BBS7: variants seen among roughly 807,000 people sequenced by gnomAD.
BBS7 encodes the protein Bardet-Biedl syndrome 7, also known as BBSome complex member BBS7.
Under a neutral mutation model 90.3 loss-of-function variants are expected in BBS7, and 50 were observed. The ratio of observed to expected loss-of-function variants is 0.55; its 90% CI spans 0.44 to 0.70. BBS7 has a LOEUF of 0.70. BBS7 is among the 30% of genes least tolerant of loss of function. The probability of loss-of-function intolerance (pLI) is 0.00; values close to 1 mark genes in which losing one functional copy is unlikely to be tolerated. For synonymous variants in BBS7, 235 were observed against 287.4 expected (o/e 0.82, Z 1.85); for missense variants, 729 against 838.9 (o/e 0.87, Z 1.62).
intron 11 of BBS7, among the ~76,000 whole-genome samples, chr4:121,845,195 CCCGT>C (rs1176903448): frequency 6.6e-6 from 1 of 151,912 alleles, no homozygotes; most frequent in East Asian, 1.9e-4. Context: ...ATGGTGAAAC[CCCGT>C]CTCTACTAAA....
chr4:121,854,268 G>C (rs186724348), intron 7 of BBS7, among the ~76,000 whole-genome samples: 2 of 152,026 alleles, frequency 1.3e-5, no homozygotes, highest in African/African-American at 4.8e-5. Flanking sequence ...ATATACATAG[G>C]CATCTCACTA....
chr4:121,857,869 C>G (rs1404321536), intron 5 of BBS7, among the ~76,000 whole-genome samples: 1 of 136,812 alleles, frequency 7.3e-6, no homozygotes, highest in Non-Finnish European at 1.5e-5. Context: ...TGCAGTGATG[C>G]AATTTCAGCT....
chr4:121,848,937 G>C lies in BBS7; in HGVS notation c.850-9C>G, dbSNP rs367556710. 6.2e-7 allele frequency: 1 copy of C among 1,611,616 alleles called. No individual in the cohort carries two copies. Among genetic ancestry groups the C allele is most frequent in the African/African-American group, 1.3e-5 (1 of 74,986 alleles). ...ACGCTTTCAGACAACATCTAAAAAA[G>C]TTTAAGACCAAGCACTTCATTAGTA... On this transcript the variant is annotated splice_polypyrimidine_tract_variant and intron_variant, in intron 8 of 18. Transcript: ENST00000264499.
intron 12 of BBS7, among the ~76,000 whole-genome samples, chr4:121,843,398 G>A (rs7686200): frequency 0.27 from 41,079 of 151,942 alleles, 6,176 homozygotes; most frequent in Non-Finnish European, 0.32. Context: ...ATAAGGGCCT[G>A]GACTAAGTTA....
At position 121,828,261 on chromosome 4, in the gene BBS7, C is replaced by A. The variant is rs774997736; in HGVS notation, c.1899G>T (p.Gln633His). The A allele has an allele frequency of 6.2e-7, 1 of 1,613,044 alleles. No homozygotes were observed. Among genetic ancestry groups the A allele is most frequent in the South Asian group, 1.1e-5 (1 of 91,058 alleles). Reference sequence around the variant, plus strand: ...GAAAGTTCGTATTTCCCTCATGAATCTGTAATTCCTATTTAAAATGAAAAA... The same window carrying A: ...GAAAGTTCGTATTTCCCTCATGAATATGTAATTCCTATTTAAAATGAAAAA... ...VQLIDALKELQIHEGNTNFLI... is the reference protein window; with the variant it reads ...VQLIDALKELHIHEGNTNFLI... Residue 633 changes from glutamine (Q) to histidine (H), a missense_variant, in exon 18 of 19, where the codon CAG (glutamine) becomes CAT (histidine). Transcript: ENST00000264499.
intron 7 of BBS7, among the ~76,000 whole-genome samples, chr4:121,854,385 C>T (rs6846441): frequency 0.016 from 2,370 of 152,122 alleles, 50 homozygotes; most frequent in African/African-American, 0.054. Flanking sequence ...ACAAAGACTC[C>T]CAGATTCCAA....
rs531107981 is a variant in BBS7 at position 121,869,731 on chromosome 4, G to T, written c.36+547C>A. Among the ~76,000 whole-genome samples, 112 of 152,208 alleles carry T rather than the reference G, an allele frequency of 7.4e-4. 2 individuals are homozygous for T. The highest frequency in any genetic ancestry group is 3.9e-3 in the South Asian group (19 of 4,822). On this transcript the variant is annotated intron_variant, in intron 1 of 18. Transcript: ENST00000264499. ...TTTTTGTACTTTTTGTAGAGAAGAG[G>T]TTTAACCATGTAGGCTAGGCTGGTC...
chr4:121,853,030 C>T lies in BBS7; in HGVS notation c.775G>A (p.Val259Ile), dbSNP rs1395330140. ...IVGDGVKDLL[V>I]GRDDGMVEVY... ...TCCACCATTCCGTCATCTCTCCCAA[C>T]AAGTAAATCTTTAACCCCATCACCC... Residue 259 changes from valine (V) to isoleucine (I), a missense_variant, in exon 8 of 19, where the codon GTT becomes ATT. Transcript: ENST00000264499. 6.2e-7 allele frequency: 1 copy of T among 1,613,838 alleles called. No individual in the cohort carries two copies. The highest frequency in any genetic ancestry group is 8.5e-7 in the Non-Finnish European group (1 of 1,179,802).
chr4:121,844,889 C>T (rs1042752147), intron 11 of BBS7, among the ~76,000 whole-genome samples: 1 of 152,130 alleles, frequency 6.6e-6, no homozygotes, highest in South Asian at 2.1e-4. Flanking sequence ...TAAGTCACAT[C>T]TCTGTTAAGA....
At chr4:121,840,180 A>C (rs986302371) in intron 12 of BBS7, among the ~76,000 whole-genome samples, 3 of 152,154 alleles carry the variant, frequency 2.0e-5, no homozygotes, top group Non-Finnish European at 2.9e-5. Flanking sequence ...TACTGCTCTC[A>C]TGGTAGTGAA....
chr4:121,860,561 A>G (rs937239607), intron 4 of BBS7, among the ~76,000 whole-genome samples: 1 of 152,172 alleles, frequency 6.6e-6, no homozygotes, highest in Non-Finnish European at 1.5e-5. Context: ...TACTATCCAT[A>G]TAACTGTCCG....
At chr4:121,834,071 AAAAGCACACCCT>A (rs1725327751) in intron 14 of BBS7, among the ~76,000 whole-genome samples, 1 of 152,186 alleles carries the variant, frequency 6.6e-6, no homozygotes, top group Admixed American at 6.6e-5. Context: ...TCTATCTTGC[AAAAGCACACCCT>A]AAAGTAACAT....
At position 121,867,989 on chromosome 4, in the gene BBS7, T is replaced by C. The variant is rs749914647; in HGVS notation, c.94A>G (p.Thr32Ala). ...CAGAATCTATACAGTACCTTTTGTG[T>C]AGCTCTGTGTCTTGAGGCAGGAATT... Reference protein sequence around the residue: ...KLIPASRHRATQKVVIGDHDG... With the variant: ...KLIPASRHRAAQKVVIGDHDG... Residue 32 changes from threonine (T) to alanine (A), a missense_variant, in exon 2 of 19, where the codon ACA (threonine) becomes GCA (alanine). Coordinates refer to ENST00000264499, the MANE Select transcript of BBS7 (RefSeq NM_176824.3). 21 of 1,612,878 alleles carry C rather than the reference T, an allele frequency of 1.3e-5. No homozygotes were observed. The highest frequency in any genetic ancestry group is 1.8e-5 in the Non-Finnish European group (21 of 1,179,086).
Position 121,833,519 on chromosome 4 carries a change from A to C in BBS7, c.1512-124T>G, listed in dbSNP as rs534289010. The C allele has an allele frequency of 6.5e-5, 60 of 918,446 alleles. No individual in the cohort carries two copies. In the East Asian group the frequency reaches 1.2e-3, roughly 18 times the overall value. 56.9% of individuals were successfully genotyped at this position (918,446 alleles called of 1,614,324 possible). A position where few individuals can be genotyped will look rare whatever the true frequency, so the allele number is the denominator to read the frequency against. ...ATAAATGAAAACATTCAATTTTCTC[A>C]GATTAATCTTATACGTCAAATAAAT... On this transcript the variant is annotated intron_variant, in intron 14 of 18. Coordinates refer to ENST00000264499, the MANE Select transcript of BBS7 (RefSeq NM_176824.3).
chr4:121,863,185 A>G, intron 3 of BBS7, 32 bp downstream of exon 3: 1 of 1,604,760 alleles, frequency 6.2e-7, no homozygotes, highest in Non-Finnish European at 8.5e-7. Context: ...CTTTTAGAAA[A>G]CCATTTTTCC....
At position 121,870,261 on chromosome 4, in the gene BBS7, C is replaced by G; in HGVS notation, c.36+17G>C. 7 of 1,614,142 alleles carry G rather than the reference C, an allele frequency of 4.3e-6. No homozygotes were observed. Among genetic ancestry groups the G allele is most frequent in the Non-Finnish European group, 5.9e-6 (7 of 1,179,980 alleles). ...GGGCTTGCCCAGCGCGGCGCCCGCC[C>G]TATCCCTTGGGTTTACCTGCAGATA... On this transcript the variant is annotated intron_variant, in intron 1 of 18. Coordinates refer to ENST00000264499, the MANE Select transcript of BBS7 (RefSeq NM_176824.3).
chr4:121,832,012 AC>A, intron 15 of BBS7, among the ~76,000 whole-genome samples: 1 of 103,998 alleles, frequency 9.6e-6, no homozygotes, highest in Non-Finnish European at 2.3e-5. Context: ...AAACAAAAAC[AC>A]ACACACACAC....
Position 121,828,446 on chromosome 4 carries a change from G to C in BBS7, c.1846C>G (p.Gln616Glu), listed in dbSNP as rs1725011800. The change falls in exon 17 of 19, where the codon CAG becomes GAG. Residue 616 changes from glutamine (Q) to glutamate (E), a missense_variant. Physicochemically the swap from Gln to Glu is conservative, Grantham distance 29. Transcript: ENST00000264499. ...TGCACTTTCTTAGCCAAAAGCAACT[G>C]GTACTCCAGCTTTGGGTGGATTAGC... is the stretch of plus-strand genomic sequence containing the variant. ...LKLIHPKLEY[Q>E]LLLAKKVQLI... is the part of the protein sequence containing the mutation. 5 of 1,613,892 alleles carry C rather than the reference G, an allele frequency of 3.1e-6. No homozygotes were observed. Among genetic ancestry groups the C allele is most frequent in the Non-Finnish European group, 4.2e-6 (5 of 1,179,898 alleles).
At chr4:121,855,411 A>T (rs1185549304) in intron 6 of BBS7, 78 bp downstream of exon 6, 1 of 1,298,368 alleles carries the variant, frequency 7.7e-7, no homozygotes, top group Non-Finnish European at 1.1e-6. Context: ...ATTCTAGTTT[A>T]TGTCCTTTCT....
Sources: allele counts gnomAD v4.1 joint callset (sites outside exome capture counted in the v4.1 genomes callset), GRCh38; gene constraint gnomAD v4.1.1; transcripts MANE v1.5; gene names NCBI Gene and HGNC (gene_info 2026-07-23, HGNC 2026-07-21).